IL18RAP: variants seen among roughly 807,000 people sequenced by gnomAD.
IL18RAP encodes interleukin-18 receptor accessory protein.
Under a neutral mutation model 58.1 loss-of-function variants are expected in IL18RAP, and 37 were observed. That is an observed-to-expected ratio of 0.64 (90% confidence interval 0.49 to 0.84). The LOEUF (loss-of-function observed/expected upper bound fraction) is 0.84, where lower values mean the gene tolerates loss of function less well. Among genes scored for constraint, IL18RAP ranks in the 40% least tolerant of loss-of-function variants. IL18RAP has a pLI of 0.00. For synonymous variants in IL18RAP, 268 were observed against 257.5 expected (o/e 1.04, Z -0.39); for missense variants, 667 against 704.8 (o/e 0.95, Z 0.61).
At chr2:102,444,291 A>G (rs1683282019) in intron 6 of IL18RAP, among the ~76,000 whole-genome samples, 1 of 152,214 alleles carries the variant, frequency 6.6e-6, no homozygotes, top group Non-Finnish European at 1.5e-5. Context: ...ATTAGAGTTC[A>G]CAGTAGGAGA....
At chr2:102,418,881 T>C (rs1241848358), upstream of IL18RAP, 1 of 152,376 alleles carries the variant, frequency 6.6e-6, no homozygotes, top group Non-Finnish European at 1.5e-5. Context: ...TGGCAGTTAC[T>C]GAAATAAGGA....
chr2:102,444,302 G>C (rs1280970169), intron 6 of IL18RAP, among the ~76,000 whole-genome samples: 1 of 152,208 alleles, frequency 6.6e-6, no homozygotes, highest in Non-Finnish European at 1.5e-5. Flanking sequence ...CAGTAGGAGA[G>C]TGTAGTCAAG....
intron 3 of IL18RAP, among the ~76,000 whole-genome samples, chr2:102,436,831 A>G (rs1460389670): frequency 7.1e-6 from 1 of 141,038 alleles, no homozygotes; most frequent in Non-Finnish European, 1.6e-5. Flanking sequence ...ATATATATAT[A>G]TGTATGTATA....
chr2:102,425,458 G>A (rs1197585394), intron 3 of IL18RAP, among the ~76,000 whole-genome samples: 3 of 152,066 alleles, frequency 2.0e-5, no homozygotes, highest in African/African-American at 2.4e-5. Context: ...CAGGGTGGAC[G>A]AACGGCATGG....
intron 6 of IL18RAP, among the ~76,000 whole-genome samples, chr2:102,443,648 C>T (rs542528010): frequency 7.2e-5 from 11 of 152,180 alleles, no homozygotes; most frequent in East Asian, 1.9e-4. Context: ...TGCTTTTCAC[C>T]GGTGCCACCC....
chr2:102,432,658 C>T (rs902553331), intron 3 of IL18RAP, among the ~76,000 whole-genome samples: 5 of 152,144 alleles, frequency 3.3e-5, no homozygotes, highest in East Asian at 1.9e-4. Flanking sequence ...TGGGTTGCCA[C>T]GCACCTTCTG....
At chr2:102,422,030 C>T (rs1323469880), upstream of IL18RAP, among the ~76,000 whole-genome samples, 2 of 151,660 alleles carry the variant, frequency 1.3e-5, no homozygotes, top group African/African-American at 4.9e-5. Context: ...AATGAGCAAA[C>T]ACTTCCTCCT....
intron 8 of IL18RAP, among the ~76,000 whole-genome samples, chr2:102,449,017 C>T (rs1362716513): frequency 6.9e-6 from 1 of 145,802 alleles, no homozygotes; most frequent in Non-Finnish European, 1.5e-5. Context: ...ATGTGTAATC[C>T]CAGCACTTTG....
chr2:102,451,337 TG>T (rs1275465012), intron 9 of IL18RAP, among the ~76,000 whole-genome samples: 3 of 152,222 alleles, frequency 2.0e-5, no homozygotes, highest in Non-Finnish European at 2.9e-5. Context: ...CTCTGATTTC[TG>T]GGACTCTGCC....
At chr2:102,434,940 C>A (rs112171712) in intron 3 of IL18RAP, 12 of 152,164 alleles carry the variant, frequency 7.9e-5, no homozygotes, top group Non-Finnish European at 1.3e-4. Flanking sequence ...AAGACTTTCA[C>A]TAGAAATTGA....
chr2:102,430,091 C>T lies in IL18RAP; in HGVS notation c.579+5677C>T, dbSNP rs1470434820. On this transcript the variant is annotated intron_variant, in intron 3 of 9. Transcript: ENST00000687160. ...TCTGTTAGGTCCATTTGGTCAAAAG[C>T]GTAATTCAAGGCCAATTTTTGAAGT... 5.3e-5 allele frequency among the ~76,000 whole-genome samples: 8 copies of T among 151,978 alleles called. No homozygotes were observed. In the South Asian group the frequency reaches 6.2e-4, roughly 12 times the overall value.
intron 8 of IL18RAP, among the ~76,000 whole-genome samples, chr2:102,450,106 G>T (rs921272942): frequency 4.0e-5 from 2 of 49,682 alleles, no homozygotes; most frequent in Non-Finnish European, 8.4e-5. Context: ...CAAATCTGAT[G>T]TATCCCATTC....
intron 6 of IL18RAP, 120 bp downstream of exon 6, chr2:102,443,443 A>G: frequency 1.7e-6 from 2 of 1,176,250 alleles, no homozygotes; most frequent in South Asian, 2.9e-5. Context: ...TGGTGAAAAT[A>G]AAAGCACAAA....
chr2:102,436,451 T>G (rs995746842), intron 3 of IL18RAP, among the ~76,000 whole-genome samples: 1 of 152,200 alleles, frequency 6.6e-6, no homozygotes, highest in Non-Finnish European at 1.5e-5. Flanking sequence ...TGCCCACAGC[T>G]GCACTTCTCT....
chr2:102,433,180 A>G (rs1305436134), intron 3 of IL18RAP, among the ~76,000 whole-genome samples: 1 of 152,180 alleles, frequency 6.6e-6, no homozygotes, highest in Non-Finnish European at 1.5e-5. Context: ...CACTTCTGAC[A>G]TGGCTGCTGG....
At chr2:102,434,183 A>G (rs942100955) in intron 3 of IL18RAP, 2 of 152,202 alleles carry the variant, frequency 1.3e-5, no homozygotes, top group Non-Finnish European at 2.9e-5. Flanking sequence ...TCTAACCAGC[A>G]CTGAAACAGA....
At position 102,447,218 on chromosome 2, in the gene IL18RAP, C is replaced by T. The variant is rs376321667; in HGVS notation, c.1210+11C>T. 1.5e-5 allele frequency: 24 copies of T among 1,611,862 alleles called. No homozygotes were observed. The highest frequency in any genetic ancestry group is 5.0e-5 in the Admixed American group (3 of 59,804). ...ATCAGACGCTTGGGGGTAAGTTTAC[C>T]TCCACATGCAGCCCTCTGACTTTTC... On this transcript the variant is annotated intron_variant, in intron 8 of 9. Coordinates refer to ENST00000687160, the MANE Select transcript of IL18RAP (RefSeq NM_001393487.1).
At chr2:102,418,856 T>C (rs904070230), upstream of IL18RAP, 2 of 152,348 alleles carry the variant, frequency 1.3e-5, no homozygotes, top group African/African-American at 4.8e-5. Context: ...CATATTTTCG[T>C]TCAGATACAA....
chr2:102,435,934 T>C (rs1318629066), intron 3 of IL18RAP, among the ~76,000 whole-genome samples: 3 of 151,720 alleles, frequency 2.0e-5, no homozygotes, highest in Non-Finnish European at 2.9e-5. Flanking sequence ...CCTGTTTCCA[T>C]ATTCTGCTCA....
Sources: gnomAD v4.1 joint callset for allele counts (sites outside exome capture counted in the v4.1 genomes callset) on GRCh38, gnomAD v4.1.1 for gene constraint, MANE v1.5 for transcripts, NCBI Gene and HGNC (gene_info 2026-07-23, HGNC 2026-07-21) for gene names.